The following RGS7 variants were observed in gnomAD, a reference collection of about 807,000 sequenced individuals.
RGS7 encodes regulator of G-protein signaling 7.
RGS7 carries 27 observed loss-of-function variants against 81.1 expected under a neutral mutation model. The ratio of observed to expected loss-of-function variants is 0.33; its 90% confidence interval spans 0.25 to 0.46. The LOEUF (loss-of-function observed/expected upper bound fraction) is 0.46, where lower values mean the gene tolerates loss of function less well. RGS7 is among the 20% of genes least tolerant of loss of function. RGS7 has a pLI of 1.00. For missense variants in RGS7, 396 were observed against 607.4 expected, an observed-to-expected ratio of 0.65 and a Z score of 3.66; for synonymous variants, 208 against 207.7, an observed-to-expected ratio of 1.00 and a Z score of -0.01.
intron 2 of RGS7, among the ~76,000 whole-genome samples, chr1:241,143,193 T>C (rs56247626): frequency 0.068 from 10,293 of 152,274 alleles, 637 homozygotes; most frequent in East Asian, 0.17. Context: ...CACATTTTAC[T>C]GTCTTCTTCT....
chr1:240,813,109 T>C (rs1690168113), intron 13 of RGS7, among the ~76,000 whole-genome samples: 1 of 152,218 alleles, frequency 6.6e-6, no homozygotes, highest in Non-Finnish European at 1.5e-5. Flanking sequence ...TTTCCCTAGA[T>C]AGCTCATGAA....
At chr1:240,951,619 A>G (rs1431260681) in intron 4 of RGS7, among the ~76,000 whole-genome samples, 3 of 152,188 alleles carry the variant, frequency 2.0e-5, no homozygotes, top group Non-Finnish European at 4.4e-5. Flanking sequence ...AACAAGGAAA[A>G]CAAAAAGAAC....
chr1:240,910,383 A>C (rs1671552050), intron 6 of RGS7, among the ~76,000 whole-genome samples: 1 of 152,220 alleles, frequency 6.6e-6, no homozygotes, highest in Non-Finnish European at 1.5e-5. Flanking sequence ...GAAGCTAAAA[A>C]ATAGTTGATC....
At chr1:241,056,485 T>C (rs2061486480) in intron 3 of RGS7, among the ~76,000 whole-genome samples, 2 of 152,228 alleles carry the variant, frequency 1.3e-5, no homozygotes, top group Admixed American at 1.3e-4. Context: ...ATTTCTCTGG[T>C]TTACTACTCT....
chr1:241,051,721 GATGC>G (rs1183841191), intron 3 of RGS7, among the ~76,000 whole-genome samples: 2 of 152,204 alleles, frequency 1.3e-5, no homozygotes, highest in Middle Eastern at 3.4e-3. Flanking sequence ...TGAGAACCAA[GATGC>G]ATGCATTTGC....
intron 6 of RGS7, among the ~76,000 whole-genome samples, chr1:240,873,523 G>T (rs1039678468): frequency 6.6e-6 from 1 of 152,132 alleles, no homozygotes; most frequent in Non-Finnish European, 1.5e-5. Flanking sequence ...CATAGATTTT[G>T]GCCCAAATGC....
rs1205951523 is a variant in RGS7, at chr1:241,232,300, C to T, written c.78+123399G>A. 2.0e-5 allele frequency among the ~76,000 whole-genome samples: 3 copies of T among 152,220 alleles called. No individual in the cohort carries two copies. In the East Asian group the frequency reaches 5.8e-4, roughly 29 times the overall value. The stretch of plus-strand genomic sequence containing the variant: ...CTCCTGGGCTTAAGTGATCCTCCCA[C>T]TTCAGCCTCCTGAGTAGCTGGGACC... On this transcript the variant is annotated intron_variant, in intron 2 of 18. Transcript: ENST00000440928.
chr1:241,172,230 T>A (rs534755296), intron 2 of RGS7, among the ~76,000 whole-genome samples: 31 of 152,114 alleles, frequency 2.0e-4, no homozygotes, highest in Middle Eastern at 6.8e-3. Context: ...ATTCTTTTTT[T>A]AAAAAAGGCA....
intron 14 of RGS7, 43 bp from the exon 15 acceptor site, chr1:240,806,369 C>G (rs1033245690): frequency 3.2e-6 from 5 of 1,585,812 alleles, no homozygotes; most frequent in African/African-American, 1.3e-5. Context: ...GATGGCCCAT[C>G]ATCTGAAAAT....
chr1:241,265,863 C>T (rs930083657), intron 2 of RGS7, among the ~76,000 whole-genome samples: 3 of 146,388 alleles, frequency 2.0e-5, no homozygotes, highest in African/African-American at 2.5e-5. Flanking sequence ...GGCGCAATCT[C>T]GGCTCAACGC....
chr1:241,031,665 A>C (rs372403428), intron 3 of RGS7, among the ~76,000 whole-genome samples: 13 of 152,230 alleles, frequency 8.5e-5, no homozygotes, highest in East Asian at 3.8e-4. Context: ...TATAATAGCC[A>C]TTCAGACTGG....
At chr1:241,267,087 G>T (rs997356999) in intron 2 of RGS7, among the ~76,000 whole-genome samples, 2 of 152,160 alleles carry the variant, frequency 1.3e-5, no homozygotes, top group African/African-American at 4.8e-5. Flanking sequence ...ACCACAGGTG[G>T]TCTGTACCTG....
rs150668192 is a variant in RGS7, at chr1:240,890,114, C to T, written c.386-19995G>A. On this transcript the variant is annotated intron_variant, in intron 6 of 18. Coordinates refer to ENST00000440928, the MANE Select transcript of RGS7 (RefSeq NM_001364886.1). The stretch of plus-strand genomic sequence containing the variant: ...AGCTTGTGTCAAATGAAACAATCTC[C>T]GTTTCCTGGTGGACATACTTCCTTG... 2.4e-3 allele frequency among the ~76,000 whole-genome samples: 358 copies of T among 152,318 alleles called. 1 individual carries two copies. Among genetic ancestry groups the T allele is most frequent in the Non-Finnish European group, 3.8e-3 (261 of 68,018 alleles).
intron 3 of RGS7, among the ~76,000 whole-genome samples, chr1:241,036,039 C>T (rs569928844): frequency 6.6e-6 from 1 of 152,296 alleles, no homozygotes; most frequent in East Asian, 1.9e-4. Flanking sequence ...TCTCAAAGTA[C>T]CCAGCCCACT....
chr1:241,200,966 A>T (rs1265450267), intron 2 of RGS7, among the ~76,000 whole-genome samples: 1 of 152,158 alleles, frequency 6.6e-6, no homozygotes, highest in African/African-American at 2.4e-5. Flanking sequence ...CTACCTGCTG[A>T]TATCTTCAAG....
chr1:241,233,144 C>T (rs1486893289), intron 2 of RGS7, among the ~76,000 whole-genome samples: 1 of 152,148 alleles, frequency 6.6e-6, no homozygotes, highest in Non-Finnish European at 1.5e-5. Flanking sequence ...TGTTAGATGT[C>T]CATGTGATAA....
chr1:240,970,822 T>A (rs1343034367), intron 4 of RGS7, among the ~76,000 whole-genome samples: 1 of 151,894 alleles, frequency 6.6e-6, no homozygotes, highest in Non-Finnish European at 1.5e-5. Flanking sequence ...CCATCTCTAC[T>A]AAAATACAAA....
At chr1:240,814,906 T>TA (rs1357501727) in intron 11 of RGS7, 129 bp from the exon 12 acceptor site, 9 of 705,466 alleles carry the variant, frequency 1.3e-5, no homozygotes, top group South Asian at 1.1e-4. Context: ...CAAAGTTGGT[T>TA]AAAAAAATAG....
chr1:241,053,585 G>C (rs1271741793), intron 3 of RGS7, among the ~76,000 whole-genome samples: 1 of 152,172 alleles, frequency 6.6e-6, no homozygotes, highest in African/African-American at 2.4e-5. Flanking sequence ...TACTTTCATA[G>C]ATCTTACTTA....
Sources: gnomAD v4.1 joint callset for allele counts (sites outside exome capture counted in the v4.1 genomes callset) on GRCh38, gnomAD v4.1.1 for gene constraint, MANE v1.5 for transcripts, NCBI Gene and HGNC (gene_info 2026-07-23, HGNC 2026-07-21) for gene names.